Variants in SATB2 observed in about 807,000 individuals in gnomAD.
SATB2 encodes SATB homeobox 2, also known as DNA-binding protein SATB2.
Under a neutral mutation model 73.4 loss-of-function variants are expected in SATB2, and 1 was observed. The observed-to-expected ratio is 0.01, with a 90% CI of 0.00 to 0.06. SATB2 has a LOEUF of 0.06. Ranked by LOEUF, SATB2 falls within the 10% of genes least tolerant of loss-of-function variation. SATB2 has a pLI of 1.00. For missense variants in SATB2, 459 were observed against 945.8 expected, an observed-to-expected ratio of 0.49 and a Z score of 6.75; for synonymous variants, 397 against 367.0, an observed-to-expected ratio of 1.08 and a Z score of -0.93.
rs1369119508 is a variant in SATB2, at chr2:199,308,835, G to A, written c.1665C>T (p.Ile555=). The change falls in exon 10 of 11, where the codon ATC becomes ATT. Residue 555 remains isoleucine, a synonymous_variant. Transcript: ENST00000417098. The surrounding 1 kb of genome is among the most constrained non-coding windows in gnomAD (Gnocchi z 4.6). The part of the protein sequence containing the change: ...LNLPQHERDV[I]YEEESRHHHS... ...GGTGATGCCTTGACTCCTCCTCATAGATGACATCCCTCTCATGCTGGGGAA... is the reference window on the plus strand; with the variant it reads ...GGTGATGCCTTGACTCCTCCTCATAAATGACATCCCTCTCATGCTGGGGAA... The A allele has an allele frequency of 1.9e-6, 3 of 1,614,012 alleles. No homozygotes were observed. Among genetic ancestry groups the A allele is most frequent in the African/African-American group, 1.3e-5 (1 of 74,920 alleles).
At chr2:199,459,253 G>A (rs1692403354), upstream of SATB2, among the ~76,000 whole-genome samples, 1 of 151,890 alleles carries the variant, frequency 6.6e-6, no homozygotes, top group Admixed American at 6.5e-5. The surrounding 1 kb of genome is among the most constrained non-coding windows in gnomAD (Gnocchi z 4.2). Context: ...CCCGGGGGGA[G>A]GCCGCACAGG....
At chr2:199,371,765 T>G (rs1282659953) in intron 5 of SATB2, among the ~76,000 whole-genome samples, 2 of 152,206 alleles carry the variant, frequency 1.3e-5, no homozygotes, top group Non-Finnish European at 2.9e-5. Flanking sequence ...GTCAACTTTT[T>G]CAATCCAGAA....
intron 10 of SATB2, among the ~76,000 whole-genome samples, chr2:199,286,266 T>C (rs754689790): frequency 6.6e-6 from 1 of 152,126 alleles, no homozygotes; most frequent in Non-Finnish European, 1.5e-5. Context: ...ATCAAATAGC[T>C]ATGAAGAGAG....
At position 199,321,326 on chromosome 2, in the gene SATB2, C is replaced by T. The variant is rs1165108005; in HGVS notation, c.1542+2477G>A. 2.7e-5 allele frequency among the ~76,000 whole-genome samples: 4 copies of T among 150,302 alleles called. No homozygotes were observed. The East Asian group carries it at 7.8e-4, about 29-fold the overall frequency. On this transcript the variant is annotated intron_variant, in intron 9 of 10. Coordinates refer to ENST00000417098, the MANE Select transcript of SATB2 (RefSeq NM_001172509.2). ...ATATATATACACGTCTATGTATAGA[C>T]ATATATGTATGTACATATGTCTATG...
chr2:199,372,644 TA>T (rs34283128), intron 5 of SATB2, among the ~76,000 whole-genome samples: 4,935 of 152,210 alleles, frequency 0.032, 114 homozygotes, highest in Non-Finnish European at 0.051. Flanking sequence ...ATGGATCTCT[TA>T]AGAAGGGAGA....
chr2:199,315,736 T>C (rs1687715334), intron 9 of SATB2, among the ~76,000 whole-genome samples: 1 of 152,122 alleles, frequency 6.6e-6, no homozygotes, highest in South Asian at 2.1e-4. Flanking sequence ...TAGCCTGCTC[T>C]GATCTCCCAC....
At chr2:199,281,968 G>A (rs1265333527) in intron 10 of SATB2, among the ~76,000 whole-genome samples, 15 of 149,392 alleles carry the variant, frequency 1.0e-4, no homozygotes, top group Admixed American at 6.8e-4. Flanking sequence ...TGCAAGCTCC[G>A]CCTCCTGGGT....
chr2:199,413,149 CTA>C (rs1357935619), intron 3 of SATB2, among the ~76,000 whole-genome samples: 1 of 152,116 alleles, frequency 6.6e-6, no homozygotes, highest in African/African-American at 2.4e-5. Context: ...TTCTCATAAT[CTA>C]TATGTTTATT....
intron 9 of SATB2, among the ~76,000 whole-genome samples, chr2:199,318,086 G>T (rs1371152406): frequency 6.6e-6 from 1 of 151,964 alleles, no homozygotes; most frequent in Non-Finnish European, 1.5e-5. Context: ...AGTCAAGGCT[G>T]TACACCTCAT....
rs373895474 is a variant in SATB2, at chr2:199,319,000, C to CT, written c.1542+4802dup. Among the ~76,000 whole-genome samples the CT allele has an allele frequency of 8.0e-3, 1,126 of 141,228 alleles. 11 individuals are homozygous for CT. Among genetic ancestry groups the CT allele is most frequent in the African/African-American group, 0.022 (870 of 38,856 alleles). The allele number at this position is 141,228 out of a possible 152,430, so 92.7% of individuals were successfully genotyped here. A position where few individuals can be genotyped will look rare whatever the true frequency, so the allele number is the denominator to read the frequency against. On this transcript the variant is annotated intron_variant, in intron 9 of 10. Transcript: ENST00000417098. ...TTGTTAAGTAGTTGAGAACTTGAAACTTTTTTTTTTTTTTTGTAGAAACAT... is the reference window on the plus strand; with the variant it reads ...TTGTTAAGTAGTTGAGAACTTGAAACTTTTTTTTTTTTTTTTGTAGAAACAT...
At chr2:199,277,467 T>C (rs1692351075) in intron 10 of SATB2, among the ~76,000 whole-genome samples, 1 of 152,238 alleles carries the variant, frequency 6.6e-6, no homozygotes, top group African/African-American at 2.4e-5. Context: ...AACTATCCAC[T>C]CCTTTTTACT....
At chr2:199,362,261 C>T (rs578159043) in intron 6 of SATB2, among the ~76,000 whole-genome samples, 9 of 152,198 alleles carry the variant, frequency 5.9e-5, no homozygotes, top group South Asian at 4.1e-4. Context: ...GATGATCATG[C>T]GGTTGCCCAA....
intron 3 of SATB2, among the ~76,000 whole-genome samples, chr2:199,426,960 A>T (rs1435736101): frequency 2.0e-5 from 3 of 151,588 alleles, no homozygotes; most frequent in Non-Finnish European, 2.9e-5. Flanking sequence ...TGCAACCTCC[A>T]CCTCCTGGGT....
chr2:199,352,029 C>T (rs1208096578), intron 6 of SATB2, among the ~76,000 whole-genome samples: 3 of 152,214 alleles, frequency 2.0e-5, no homozygotes, highest in East Asian at 3.9e-4. Context: ...GCCGCCACCA[C>T]ACCCAACTAA....
intron 6 of SATB2, among the ~76,000 whole-genome samples, chr2:199,357,074 G>A (rs889119450): frequency 2.0e-5 from 3 of 152,180 alleles, no homozygotes; most frequent in African/African-American, 7.2e-5. Context: ...TATGCCTTTA[G>A]GACCCTGCAG....
At chr2:199,427,822 C>T (rs936975137) in intron 3 of SATB2, among the ~76,000 whole-genome samples, 3 of 152,012 alleles carry the variant, frequency 2.0e-5, no homozygotes, top group African/African-American at 7.2e-5. Context: ...TCATTTCTAA[C>T]AATAAAATTG....
chr2:199,421,866 C>T (rs963453356), intron 3 of SATB2, among the ~76,000 whole-genome samples: 1 of 152,158 alleles, frequency 6.6e-6, no homozygotes, highest in Non-Finnish European at 1.5e-5. Flanking sequence ...GGCCTTGCAC[C>T]TGCAATGAAC....
intron 3 of SATB2, among the ~76,000 whole-genome samples, chr2:199,412,258 C>T (rs778527514): frequency 3.3e-5 from 5 of 152,078 alleles, no homozygotes; most frequent in African/African-American, 4.8e-5. Flanking sequence ...TAGCCTCAGT[C>T]AGGAAGCAAA....
At chr2:199,344,013 T>C (rs1485388605) in intron 7 of SATB2, among the ~76,000 whole-genome samples, 2 of 152,216 alleles carry the variant, frequency 1.3e-5, no homozygotes, top group East Asian at 3.8e-4. Flanking sequence ...CTTGGCAAAG[T>C]ATACACTCTC....
Sources: gnomAD v4.1 joint callset for allele counts (sites outside exome capture counted in the v4.1 genomes callset) on GRCh38, gnomAD v4.1.1 for gene constraint, Gnocchi (gnomAD v3.1) non-coding constraint, MANE v1.5 for transcripts, NCBI Gene and HGNC (gene_info 2026-07-23, HGNC 2026-07-21) for gene names.